ENTREP2: variants seen among roughly 807,000 people sequenced by gnomAD.
The protein encoded by ENTREP2 is endosomal transmembrane epsin interactor 2, also known as protein ENTREP2.
At chr15:29,275,567 G>A in the ENTREP2 span, among the ~76,000 whole-genome samples, 1 of 152,132 alleles carries the variant, frequency 6.6e-6, no homozygotes. Flanking sequence ...AAAATCAAAA[G>A]TCTTTGAGGC....
At chr15:29,644,538 C>T in the ENTREP2 span, among the ~76,000 whole-genome samples, 4 of 152,158 alleles carry the variant, frequency 2.6e-5, no homozygotes, top group South Asian at 2.1e-4. Context: ...CGCGGTGGCC[C>T]ACGCCTGTAA....
the ENTREP2 span, among the ~76,000 whole-genome samples, chr15:29,630,048 G>A: frequency 1.7e-4 from 26 of 152,234 alleles, no homozygotes; most frequent in African/African-American, 4.8e-4. Context: ...CCCAGGAGGC[G>A]GAGGGTGCAG....
At chr15:29,616,185 T>G in the ENTREP2 span, among the ~76,000 whole-genome samples, 1 of 152,256 alleles carries the variant, frequency 6.6e-6, no homozygotes, top group Non-Finnish European at 1.5e-5. Flanking sequence ...CAATTTGGAA[T>G]AAATCCTTTG....
At chr15:29,471,600 C>G in the ENTREP2 span, among the ~76,000 whole-genome samples, 1 of 152,110 alleles carries the variant, frequency 6.6e-6, no homozygotes, top group African/African-American at 2.4e-5. Flanking sequence ...CACCAGAGCC[C>G]ATATGCCCAT....
chr15:29,438,537 C>T, the ENTREP2 span, among the ~76,000 whole-genome samples: 3 of 152,106 alleles, frequency 2.0e-5, no homozygotes, highest in African/African-American at 7.2e-5. Context: ...CAGCTGACCA[C>T]CCAGAGACCC....
At chr15:29,198,446 T>C in the ENTREP2 span, among the ~76,000 whole-genome samples, 1 of 152,350 alleles carries the variant, frequency 6.6e-6, no homozygotes, top group African/African-American at 2.4e-5. Flanking sequence ...AGGGTGTGAA[T>C]TCAGGCTAAT....
the ENTREP2 span, among the ~76,000 whole-genome samples, chr15:29,382,676 G>A: frequency 1.3e-5 from 2 of 152,090 alleles, no homozygotes; most frequent in South Asian, 4.1e-4. Context: ...CTGTCCCTTA[G>A]AAGAACCACT....
the ENTREP2 span, among the ~76,000 whole-genome samples, chr15:29,548,061 CA>C: frequency 6.6e-6 from 1 of 152,030 alleles, no homozygotes; most frequent in Non-Finnish European, 1.5e-5. Flanking sequence ...GGGGAGTTAT[CA>C]GGGGCTGGGT....
chr15:29,433,537 CA>C, the ENTREP2 span, among the ~76,000 whole-genome samples: 1 of 152,104 alleles, frequency 6.6e-6, no homozygotes, highest in African/African-American at 2.4e-5. Context: ...CACAGCTGGT[CA>C]AAAATGCATT....
the ENTREP2 span, among the ~76,000 whole-genome samples, chr15:29,597,121 C>T: frequency 1.3e-5 from 2 of 151,706 alleles, no homozygotes; most frequent in African/African-American, 4.8e-5. Flanking sequence ...TTCACCTATT[C>T]AATCATCCCC....
the ENTREP2 span, among the ~76,000 whole-genome samples, chr15:29,327,911 T>C: frequency 6.6e-6 from 1 of 152,166 alleles, no homozygotes; most frequent in African/African-American, 2.4e-5. Context: ...AAACGAGACA[T>C]AGTCTTATTG....
At chr15:29,383,306 C>G in the ENTREP2 span, among the ~76,000 whole-genome samples, 1 of 152,216 alleles carries the variant, frequency 6.6e-6, no homozygotes, top group Non-Finnish European at 1.5e-5. Context: ...CAGAAGCCCA[C>G]ACTTCCTCTT....
At chr15:29,318,347 G>A in the ENTREP2 span, among the ~76,000 whole-genome samples, 1 of 151,668 alleles carries the variant, frequency 6.6e-6, no homozygotes, top group East Asian at 1.9e-4. Context: ...TTGAGACGGA[G>A]TTTTGCTCAG....
the ENTREP2 span, among the ~76,000 whole-genome samples, chr15:29,630,240 G>T: frequency 6.6e-6 from 1 of 152,268 alleles, no homozygotes; most frequent in South Asian, 2.1e-4. Context: ...ACTAGTTTTA[G>T]GACATAGGGT....
the ENTREP2 span, among the ~76,000 whole-genome samples, chr15:29,655,601 G>A: frequency 6.6e-6 from 1 of 152,014 alleles, no homozygotes; most frequent in Non-Finnish European, 1.5e-5. Flanking sequence ...GGAAATTTAA[G>A]ATAACTATTA....
At chr15:29,603,395 G>C in the ENTREP2 span, among the ~76,000 whole-genome samples, 2 of 152,082 alleles carry the variant, frequency 1.3e-5, no homozygotes, top group African/African-American at 4.8e-5. Context: ...GAACAGTTGG[G>C]GTTTTCTCAA....
chr15:29,594,289 C>A, the ENTREP2 span, among the ~76,000 whole-genome samples: 1 of 152,092 alleles, frequency 6.6e-6, no homozygotes, highest in Non-Finnish European at 1.5e-5. Flanking sequence ...CCCTAATGGG[C>A]CCTGCCAATC....
chr15:29,307,830 T>C, the ENTREP2 span, among the ~76,000 whole-genome samples: 1 of 152,202 alleles, frequency 6.6e-6, no homozygotes, highest in Non-Finnish European at 1.5e-5. Context: ...AACCAGACCA[T>C]GCTGCCACTT....
the ENTREP2 span, among the ~76,000 whole-genome samples, chr15:29,147,451 T>C: frequency 6.6e-6 from 1 of 150,536 alleles, no homozygotes; most frequent in Non-Finnish European, 1.5e-5. Context: ...ACCACCATGA[T>C]GGTTATAATT....
Sources: allele counts gnomAD v4.1 joint callset (sites outside exome capture counted in the v4.1 genomes callset), GRCh38; gene constraint gnomAD v4.1.1; transcripts MANE v1.5; gene names NCBI Gene and HGNC (gene_info 2026-07-23, HGNC 2026-07-21).